The following CAMK4 variants were observed in gnomAD, a reference collection of about 807,000 sequenced individuals.
The protein encoded by CAMK4 is calcium/calmodulin-dependent protein kinase type IV.
In CAMK4, 22 loss-of-function variants were observed where a neutral mutation model predicts 44.9. The observed-to-expected ratio is 0.49, with a 90% CI of 0.35 to 0.70. The LOEUF is 0.70. CAMK4 is among the 30% of genes least tolerant of loss of function. The pLI is 0.01. For missense variants in CAMK4, 498 were observed against 586.8 expected (o/e 0.85, Z 1.56); for synonymous variants, 218 against 215.4 (o/e 1.01, Z -0.11).
At chr5:111,413,096 C>A (rs1054391514) in intron 5 of CAMK4, among the ~76,000 whole-genome samples, 2 of 152,160 alleles carry the variant, frequency 1.3e-5, no homozygotes, top group Non-Finnish European at 2.9e-5. Context: ...GCCAAGAACC[C>A]TCCCAAGCTA....
chr5:111,229,621 C>T (rs909513688), intron 1 of CAMK4, among the ~76,000 whole-genome samples: 4 of 152,150 alleles, frequency 2.6e-5, no homozygotes, highest in East Asian at 1.9e-4. Context: ...TGATTTTTTC[C>T]GACACCATGC....
intron 5 of CAMK4, among the ~76,000 whole-genome samples, chr5:111,395,232 AAAAAAAAG>A (rs1284972608): frequency 2.1e-5 from 3 of 140,954 alleles, no homozygotes; most frequent in African/African-American, 9.3e-5. Flanking sequence ...AAAAAAGAAA[AAAAAAAAG>A]AAAAAGAAAA....
chr5:111,461,657 G>C (rs1754645318), intron 7 of CAMK4, among the ~76,000 whole-genome samples: 1 of 151,664 alleles, frequency 6.6e-6, no homozygotes. Flanking sequence ...CTGCTTTTCA[G>C]CCTCCCTAGA....
rs1755575305 is a variant in CAMK4 at position 111,485,277 on chromosome 5, A to G, written c.*811A>G. 6.6e-6 allele frequency: 1 copy of G among 152,188 alleles called. No individual in the cohort carries two copies. Among genetic ancestry groups the G allele is most frequent in the African/African-American group, 2.4e-5 (1 of 41,448 alleles). The allele number at this position is 152,188 out of a possible 1,614,324, so 9.4% of individuals were successfully genotyped here. On this transcript the variant is annotated 3_prime_UTR_variant, in exon 11 of 11. Coordinates refer to ENST00000282356, the MANE Select transcript of CAMK4 (RefSeq NM_001744.6). ...GAAAAGAAGGTAAGACTGTACTTAA[A>G]CTGATGAAGATAAGATTGATTCCTT...
intron 5 of CAMK4, among the ~76,000 whole-genome samples, chr5:111,398,541 C>T (rs182050131): frequency 6.6e-6 from 1 of 152,262 alleles, no homozygotes; most frequent in Non-Finnish European, 1.5e-5. Context: ...TTTTGAATGA[C>T]AGTCTGTTGT....
Position 111,478,411 on chromosome 5 carries a change from A to G in CAMK4, c.732A>G (p.Glu244=), listed in dbSNP as rs1755320148. ...LLCGFEPFYD[E]RGDQFMFRRI... ...GTGGATTTGAACCATTCTATGATGA[A>G]AGAGGCGATCAGTTCATGTTCAGGA... The change falls in exon 9 of 11, where the codon GAA becomes GAG. Residue 244 remains glutamate, a synonymous_variant. Coordinates refer to ENST00000282356, the MANE Select transcript of CAMK4 (RefSeq NM_001744.6). The G allele has an allele frequency of 6.3e-7, 1 of 1,576,150 alleles. No homozygotes were observed. The highest frequency in any genetic ancestry group is 8.7e-7 in the Non-Finnish European group (1 of 1,149,340).
At chr5:111,298,555 G>T (rs1007468487) in intron 1 of CAMK4, among the ~76,000 whole-genome samples, 2 of 152,140 alleles carry the variant, frequency 1.3e-5, no homozygotes, top group African/African-American at 4.8e-5. Flanking sequence ...TCCCCACGTT[G>T]CCCAGACACC....
In CAMK4 at chr5:111,406,501, G is replaced by A. The variant is rs1026547079; in HGVS notation, c.459+11719G>A. Among the ~76,000 whole-genome samples the A allele has an allele frequency of 7.9e-5, 12 of 151,468 alleles. No homozygotes were observed. The East Asian group carries it at 2.3e-3, about 30-fold the overall frequency. ...GGCCTCCCAAAGTGCTGGGATTACA[G>A]GTGTGAGCCTCCGTACCTGGCCAAT... is the stretch of plus-strand genomic sequence containing the variant. On this transcript the variant is annotated intron_variant, in intron 5 of 10. Coordinates refer to ENST00000282356, the MANE Select transcript of CAMK4 (RefSeq NM_001744.6).
rs760428037 is a variant in CAMK4, at chr5:111,491,269, G to A, written c.*6803G>A. 2.0e-5 allele frequency: 3 copies of A among 152,134 alleles called. No homozygotes were observed. Among genetic ancestry groups the A allele is most frequent in the Non-Finnish European group, 4.4e-5 (3 of 68,030 alleles). The allele number at this position is 152,134 out of a possible 1,614,324, so 9.4% of individuals were successfully genotyped here. On this transcript the variant is annotated 3_prime_UTR_variant, in exon 11 of 11. Coordinates refer to ENST00000282356, the MANE Select transcript of CAMK4 (RefSeq NM_001744.6). The stretch of plus-strand genomic sequence containing the variant: ...ACATATTGTTTGTGGCTGCTTTTAT[G>A]TTGTCAAGGCAGAGTTGAGTACTTT...
Position 111,412,364 on chromosome 5 carries a change from T to C in CAMK4, c.459+17582T>C, listed in dbSNP as rs75751543. ...CAAAAATAAAAGACTCCATGTCTCA[T>C]TTTAGTCAAAACTGAGTAAACTGAT... On this transcript the variant is annotated intron_variant, in intron 5 of 10. Transcript: ENST00000282356. 7.5e-3 allele frequency among the ~76,000 whole-genome samples: 1,149 copies of C among 152,324 alleles called. 13 individuals carry two copies. The highest frequency in any genetic ancestry group is 0.025 in the African/African-American group (1,050 of 41,584).
At chr5:111,343,147 C>T (rs1749713906) in intron 1 of CAMK4, among the ~76,000 whole-genome samples, 1 of 151,690 alleles carries the variant, frequency 6.6e-6, no homozygotes, top group Non-Finnish European at 1.5e-5. Flanking sequence ...TTACAACACA[C>T]CAGTCTTTGA....
intron 2 of CAMK4, among the ~76,000 whole-genome samples, chr5:111,346,598 T>C (rs405719): frequency 0.92 from 139,166 of 151,862 alleles, 63,877 homozygotes; most frequent in East Asian, 1. Context: ...CTTAAAAGAA[T>C]ATAAATTTAT....
intron 1 of CAMK4, among the ~76,000 whole-genome samples, chr5:111,226,132 T>G (rs775277286): frequency 6.6e-6 from 1 of 152,226 alleles, no homozygotes; most frequent in African/African-American, 2.4e-5. Context: ...CTGCAGGGAC[T>G]GTCCCAGTAG....
chr5:111,386,596 T>G (rs374986522), intron 4 of CAMK4, among the ~76,000 whole-genome samples: 9 of 152,176 alleles, frequency 5.9e-5, no homozygotes, highest in African/African-American at 1.7e-4. Flanking sequence ...CAGAAGCAAA[T>G]GCACCAGAGT....
chr5:111,276,193 A>G (rs995483436), intron 1 of CAMK4, among the ~76,000 whole-genome samples: 25 of 152,078 alleles, frequency 1.6e-4, no homozygotes, highest in African/African-American at 5.1e-4. Flanking sequence ...GTGAACTACT[A>G]TTATTACTTA....
intron 5 of CAMK4, among the ~76,000 whole-genome samples, chr5:111,420,948 T>A (rs945707032): frequency 6.6e-6 from 1 of 151,844 alleles, no homozygotes; most frequent in African/African-American, 2.4e-5. Flanking sequence ...GCAACATACA[T>A]CCTCCTCAGC....
chr5:111,279,715 A>G (rs1158021712), intron 1 of CAMK4, among the ~76,000 whole-genome samples: 2 of 151,674 alleles, frequency 1.3e-5, no homozygotes, highest in African/African-American at 4.8e-5. Context: ...TGCACTACAC[A>G]GTGTGTGTAT....
In CAMK4 at chr5:111,450,655, G is replaced by A. The variant is rs191693606; in HGVS notation, c.625+1452G>A. 3.4e-5 allele frequency among the ~76,000 whole-genome samples: 5 copies of A among 147,804 alleles called. No individual in the cohort carries two copies. In the East Asian group the frequency reaches 9.7e-4, roughly 29 times the overall value. ...ATGCAAAAAATAACCCGGCATGGTG[G>A]CAGGTGCCTGTAATCCCAGCGACTC... On this transcript the variant is annotated intron_variant, in intron 7 of 10. Coordinates refer to ENST00000282356, the MANE Select transcript of CAMK4 (RefSeq NM_001744.6).
chr5:111,429,706 G>A (rs1753362461), intron 5 of CAMK4, among the ~76,000 whole-genome samples: 1 of 134,978 alleles, frequency 7.4e-6, no homozygotes, highest in African/African-American at 2.8e-5. Context: ...AAACCAGGAG[G>A]CTGATTCATT....
Sources: gnomAD v4.1 joint callset for allele counts (sites outside exome capture counted in the v4.1 genomes callset) on GRCh38, gnomAD v4.1.1 for gene constraint, MANE v1.5 for transcripts, NCBI Gene and HGNC (gene_info 2026-07-23, HGNC 2026-07-21) for gene names.